The following VTI1A variants were observed in gnomAD, a reference collection of about 807,000 sequenced individuals.
VTI1A encodes the protein vesicle transport through interaction with t-SNAREs homolog 1A.
Under a neutral mutation model 34.9 loss-of-function variants are expected in VTI1A, and 22 were observed. That is an observed-to-expected ratio of 0.63 (90% CI 0.45 to 0.90). VTI1A has a LOEUF of 0.90. Ranked by LOEUF, VTI1A falls within the 40% of genes least tolerant of loss-of-function variation. The pLI is 0.00. For synonymous variants in VTI1A, 87 were observed against 97.3 expected (o/e 0.89, Z 0.62); for missense variants, 268 against 275.6 (o/e 0.97, Z 0.20).
In VTI1A at chr10:112,535,662, C is replaced by T. The variant is rs559869447; in HGVS notation, c.343-2584C>T. Among the ~76,000 whole-genome samples the T allele has an allele frequency of 2.6e-5, 4 of 152,266 alleles. No homozygotes were observed. The South Asian group carries it at 8.3e-4, about 32-fold the overall frequency. ...TGCGCAGCTCCTCACACAAGTTGAG[C>T]TCTGTCTGAAGCTCCTGCACAGCTT... On this transcript the variant is annotated intron_variant, in intron 4 of 7. Transcript: ENST00000393077.
At chr10:112,482,644 G>A (rs2134100923) in intron 3 of VTI1A, among the ~76,000 whole-genome samples, 1 of 152,190 alleles carries the variant, frequency 6.6e-6, no homozygotes. Flanking sequence ...ACTCTGAAAA[G>A]GCATTCTTTT....
At position 112,815,600 on chromosome 10, in the gene VTI1A, C is replaced by G; in HGVS notation, c.*217C>G. The G allele has an allele frequency of 3.6e-6, 2 of 557,528 alleles. No individual in the cohort carries two copies. Among genetic ancestry groups the G allele is most frequent in the South Asian group, 4.2e-5 (2 of 47,192 alleles). 34.5% of individuals were successfully genotyped at this position (557,528 alleles called of 1,614,324 possible). On this transcript the variant is annotated 3_prime_UTR_variant, in exon 8 of 8. Coordinates refer to ENST00000393077, the MANE Select transcript of VTI1A (RefSeq NM_145206.4). ...TTCGAGGTTTGTCTTCACCCAGATT[C>G]GTTTTTTAGAGGGGAAGGTGAATGT...
rs186023463 is a variant in VTI1A at position 112,451,937 on chromosome 10, G to T, written c.94+4470G>T. ...TAATATTTTAGATATATGCAATTAC[G>T]TATTATTGAAATTAAAAACATTATT... On this transcript the variant is annotated intron_variant, in intron 1 of 7. Coordinates refer to ENST00000393077, the MANE Select transcript of VTI1A (RefSeq NM_145206.4). Among the ~76,000 whole-genome samples the T allele has an allele frequency of 2.5e-4, 38 of 152,284 alleles. No homozygotes were observed. The South Asian group carries it at 4.6e-3, about 18-fold the overall frequency.
At chr10:112,605,276 C>T (rs1425598360) in intron 5 of VTI1A, among the ~76,000 whole-genome samples, 3 of 152,102 alleles carry the variant, frequency 2.0e-5, no homozygotes, top group African/African-American at 4.8e-5. Context: ...TCACCCCTGA[C>T]GTATTTATCT....
chr10:112,618,104 A>T (rs1845573000), intron 5 of VTI1A, among the ~76,000 whole-genome samples: 1 of 152,192 alleles, frequency 6.6e-6, no homozygotes, highest in African/African-American at 2.4e-5. Flanking sequence ...CAGTGAGCTG[A>T]GATGGTGCCA....
chr10:112,643,151 A>AT (rs200015635), intron 5 of VTI1A, among the ~76,000 whole-genome samples: 1,455 of 123,442 alleles, frequency 0.012, 27 homozygotes, highest in African/African-American at 0.039. Context: ...CACCTGGCTA[A>AT]TTTTTTTTTT....
At chr10:112,811,636 A>T (rs1269282141) in intron 7 of VTI1A, among the ~76,000 whole-genome samples, 1 of 134,112 alleles carries the variant, frequency 7.5e-6, no homozygotes, top group Non-Finnish European at 1.6e-5. Flanking sequence ...GTGAGCCGAG[A>T]TTGCGCCACT....
intron 5 of VTI1A, among the ~76,000 whole-genome samples, chr10:112,646,072 A>G (rs1166642595): frequency 6.6e-6 from 1 of 150,926 alleles, no homozygotes; most frequent in Admixed American, 6.7e-5. Flanking sequence ...ATATATGTTT[A>G]TAAGTAGAAG....
chr10:112,544,591 G>T (rs1194176622), intron 5 of VTI1A, among the ~76,000 whole-genome samples: 4 of 151,512 alleles, frequency 2.6e-5, no homozygotes, highest in Admixed American at 2.6e-4. Flanking sequence ...GCACCAGCCT[G>T]CACAACATAG....
In VTI1A at chr10:112,790,891, A is replaced by G. The variant is rs572253716; in HGVS notation, c.561-24399A>G. On this transcript the variant is annotated intron_variant, in intron 7 of 7. Coordinates refer to ENST00000393077, the MANE Select transcript of VTI1A (RefSeq NM_145206.4). ...TGGTCTGTAGAATGTGTTTGTAGAA[A>G]GTGTTTAGGATACCCTTGCAATGAA... 2.0e-5 allele frequency among the ~76,000 whole-genome samples: 3 copies of G among 152,152 alleles called. No individual in the cohort carries two copies. The South Asian group carries it at 6.2e-4, about 32-fold the overall frequency.
intron 7 of VTI1A, among the ~76,000 whole-genome samples, chr10:112,726,971 A>G (rs1265306304): frequency 6.6e-6 from 1 of 152,208 alleles, no homozygotes; most frequent in Non-Finnish European, 1.5e-5. Context: ...ATAAATGTAG[A>G]AACTGAGAAC....
chr10:112,848,723 G>C, the VTI1A span, among the ~76,000 whole-genome samples: 4 of 152,212 alleles, frequency 2.6e-5, no homozygotes, highest in African/African-American at 9.6e-5. Context: ...AAGCAAAAAA[G>C]TGATTATGAT....
At chr10:112,469,307 G>C (rs979648478) in intron 3 of VTI1A, among the ~76,000 whole-genome samples, 1 of 151,158 alleles carries the variant, frequency 6.6e-6, no homozygotes, top group Non-Finnish European at 1.5e-5. Context: ...TTTCCTAATC[G>C]TCCCACTCCT....
chr10:112,458,718 A>C (rs1404745630), intron 1 of VTI1A, among the ~76,000 whole-genome samples: 1 of 151,608 alleles, frequency 6.6e-6, no homozygotes, highest in Admixed American at 6.6e-5. Context: ...CCAGGCTGGA[A>C]CGCAATGGTG....
chr10:112,627,010 T>C (rs115699571), intron 5 of VTI1A, among the ~76,000 whole-genome samples: 2,422 of 152,342 alleles, frequency 0.016, 64 homozygotes, highest in African/African-American at 0.055. Flanking sequence ...ATTAAACTTA[T>C]CTAATGTTTA....
At chr10:112,854,874 C>T in the VTI1A span, among the ~76,000 whole-genome samples, 1 of 152,194 alleles carries the variant, frequency 6.6e-6, no homozygotes, top group African/African-American at 2.4e-5. Flanking sequence ...CAGCTCAAAG[C>T]TGGCCCACCC....
intron 3 of VTI1A, among the ~76,000 whole-genome samples, chr10:112,469,034 TG>T (rs2134064674): frequency 6.6e-6 from 1 of 152,320 alleles, no homozygotes; most frequent in East Asian, 1.9e-4. Flanking sequence ...AATTAGCTTT[TG>T]AATACACTGA....
At chr10:112,455,429 CTTCTTCCCTCCTTCCCT>C (rs1378351844) in intron 1 of VTI1A, among the ~76,000 whole-genome samples, 1 of 1,358 alleles carries the variant, frequency 7.4e-4, no homozygotes, top group Admixed American at 3.8e-3. Flanking sequence ...TCCCCCTTCC[CTTCTTCCCTCCTTCCCT>C]CCTTCCCTCC....
At chr10:112,724,182 G>A (rs1419968309) in intron 7 of VTI1A, among the ~76,000 whole-genome samples, 2 of 152,090 alleles carry the variant, frequency 1.3e-5, no homozygotes, top group Non-Finnish European at 2.9e-5. Flanking sequence ...GGTCATTTCT[G>A]TATCAAGTAT....
Sources: gnomAD v4.1 joint callset for allele counts (sites outside exome capture counted in the v4.1 genomes callset) on GRCh38, gnomAD v4.1.1 for gene constraint, MANE v1.5 for transcripts, NCBI Gene and HGNC (gene_info 2026-07-23, HGNC 2026-07-21) for gene names.